The following PCDH9 variants were observed in gnomAD, a reference collection of about 807,000 sequenced individuals.
PCDH9 encodes the protein protocadherin-9.
In PCDH9, 24 loss-of-function variants were observed where a neutral mutation model predicts 70.6. The ratio of observed to expected loss-of-function variants is 0.34; its 90% confidence interval spans 0.25 to 0.48. The LOEUF is 0.48. Ranked by LOEUF, PCDH9 falls within the 20% of genes least tolerant of loss-of-function variation. The pLI is 0.99. For synonymous variants in PCDH9, 562 were observed against 558.5 expected (o/e 1.01, Z -0.09); for missense variants, 1,281 against 1,503.6 (o/e 0.85, Z 2.45).
intron 4 of PCDH9, among the ~76,000 whole-genome samples, chr13:66,355,326 T>A (rs998026757): frequency 6.6e-6 from 1 of 152,104 alleles, no homozygotes; most frequent in Admixed American, 6.6e-5. Context: ...CAACAGAATA[T>A]TTGAGTAACC....
chr13:66,877,696 A>T (rs1416253302), intron 3 of PCDH9, among the ~76,000 whole-genome samples: 1 of 152,192 alleles, frequency 6.6e-6, no homozygotes, highest in East Asian at 1.9e-4. Context: ...TCAAGGAACA[A>T]CATCTTCATT....
chr13:66,354,976 G>T (rs1385901371), intron 4 of PCDH9, among the ~76,000 whole-genome samples: 3 of 152,134 alleles, frequency 2.0e-5, no homozygotes, highest in Non-Finnish European at 4.4e-5. Flanking sequence ...AAGTCTGGGT[G>T]GGATAAGGCC....
chr13:66,587,037 G>A (rs775725587), intron 4 of PCDH9, among the ~76,000 whole-genome samples: 1 of 151,894 alleles, frequency 6.6e-6, no homozygotes, highest in Admixed American at 6.6e-5. Flanking sequence ...AGCTGGGCAC[G>A]GTAATACCAG....
chr13:66,825,397 C>T (rs1332178387), intron 3 of PCDH9, among the ~76,000 whole-genome samples: 4 of 124,082 alleles, frequency 3.2e-5, no homozygotes, highest in East Asian at 2.4e-4. Flanking sequence ...AGTGCAGTGG[C>T]GCGATCTCGA....
At chr13:66,545,912 C>A (rs1325734022) in intron 4 of PCDH9, among the ~76,000 whole-genome samples, 1 of 151,388 alleles carries the variant, frequency 6.6e-6, no homozygotes, top group Non-Finnish European at 1.5e-5. Context: ...CATCTTGGCT[C>A]ACTGCAAGCT....
intron 3 of PCDH9, among the ~76,000 whole-genome samples, chr13:66,851,578 C>CACACACAT (rs1312860862): frequency 4.3e-5 from 2 of 46,352 alleles, no homozygotes; most frequent in African/African-American, 1.2e-4. Context: ...ATCACCCTCA[C>CACACACAT]ACACACACAC....
intron 4 of PCDH9, among the ~76,000 whole-genome samples, chr13:66,500,967 G>T (rs537563428): frequency 6.6e-6 from 1 of 152,182 alleles, no homozygotes. Context: ...GAAGAGCTCA[G>T]ATCTGAAATA....
At chr13:66,950,678 T>C (rs962570535) in intron 2 of PCDH9, among the ~76,000 whole-genome samples, 1 of 152,128 alleles carries the variant, frequency 6.6e-6, no homozygotes, top group Admixed American at 6.6e-5. Context: ...CATAGGTATC[T>C]ACACACAGAA....
chr13:66,712,938 A>G (rs1178247858), intron 3 of PCDH9, among the ~76,000 whole-genome samples: 1 of 152,176 alleles, frequency 6.6e-6, no homozygotes, highest in Admixed American at 6.5e-5. Context: ...AAGGATAATT[A>G]AAATATATTT....
At chr13:66,459,472 T>G (rs75676356) in intron 4 of PCDH9, among the ~76,000 whole-genome samples, 7 of 148,806 alleles carry the variant, frequency 4.7e-5, no homozygotes, top group East Asian at 1.9e-4. Flanking sequence ...AAAAGTTGTG[T>G]TTTTTTTTTA....
chr13:66,454,999 A>T (rs975185165), intron 4 of PCDH9, among the ~76,000 whole-genome samples: 5 of 152,084 alleles, frequency 3.3e-5, no homozygotes, highest in Non-Finnish European at 7.4e-5. Flanking sequence ...TTTATAAAAA[A>T]AATTACTTGA....
chr13:66,961,443 A>T (rs777876659), intron 2 of PCDH9, among the ~76,000 whole-genome samples: 1 of 152,244 alleles, frequency 6.6e-6, no homozygotes, highest in Non-Finnish European at 1.5e-5. Flanking sequence ...ACCTCAAAGG[A>T]AGGAATAGAA....
chr13:67,151,329 G>A (rs771564195), intron 2 of PCDH9, among the ~76,000 whole-genome samples: 2 of 152,090 alleles, frequency 1.3e-5, no homozygotes, highest in Non-Finnish European at 2.9e-5. Flanking sequence ...CCCCCAATTT[G>A]TTCCTCTTTA....
chr13:66,472,580 C>A (rs548515601), intron 4 of PCDH9, among the ~76,000 whole-genome samples: 11 of 152,124 alleles, frequency 7.2e-5, no homozygotes, highest in African/African-American at 2.2e-4. Context: ...AAAACAACAA[C>A]AACAACCAAA....
At chr13:67,104,646 T>C (rs2138249601) in intron 2 of PCDH9, among the ~76,000 whole-genome samples, 1 of 152,288 alleles carries the variant, frequency 6.6e-6, no homozygotes, top group East Asian at 1.9e-4. Context: ...CCTCCTGGGT[T>C]CACGCCATTC....
chr13:66,653,828 C>T (rs557890933), intron 3 of PCDH9, among the ~76,000 whole-genome samples: 18 of 151,808 alleles, frequency 1.2e-4, no homozygotes, highest in Non-Finnish European at 2.5e-4. Context: ...ATTAGCTAGG[C>T]GTGGTGGCGG....
At chr13:66,878,955 C>T (rs2081872040) in intron 3 of PCDH9, among the ~76,000 whole-genome samples, 1 of 152,074 alleles carries the variant, frequency 6.6e-6, no homozygotes, top group Non-Finnish European at 1.5e-5. Context: ...AACAATTAAA[C>T]AAGGAAATGC....
chr13:66,654,066 G>C (rs988583065), intron 3 of PCDH9, among the ~76,000 whole-genome samples: 2 of 151,852 alleles, frequency 1.3e-5, no homozygotes, highest in South Asian at 4.2e-4. Context: ...CAAGGATCCA[G>C]GATCAACCTG....
At chr13:66,337,453 G>C (rs1956055245) in intron 4 of PCDH9, among the ~76,000 whole-genome samples, 1 of 152,012 alleles carries the variant, frequency 6.6e-6, no homozygotes, top group Non-Finnish European at 1.5e-5. Context: ...TATGAGAGTA[G>C]AATGTCTGGC....
Sources: allele counts gnomAD v4.1 joint callset (sites outside exome capture counted in the v4.1 genomes callset), GRCh38; gene constraint gnomAD v4.1.1; transcripts MANE v1.5; gene names NCBI Gene and HGNC (gene_info 2026-07-23, HGNC 2026-07-21).